MBD5: variants seen among roughly 807,000 people sequenced by gnomAD.
MBD5 encodes methyl-CpG binding domain protein 5, also known as methyl-CpG-binding domain protein 5.
Under a neutral mutation model 117.3 loss-of-function variants are expected in MBD5, and 13 were observed. That is an observed-to-expected ratio of 0.11 (90% CI 0.07 to 0.18). The LOEUF (loss-of-function observed/expected upper bound fraction) is 0.18, where lower values mean the gene tolerates loss of function less well. Among genes scored for constraint, MBD5 ranks in the 10% least tolerant of loss-of-function variants. MBD5 has a pLI of 1.00. For synonymous variants in MBD5, 727 were observed against 766.4 expected (o/e 0.95, Z 0.85); for missense variants, 1,879 against 2,093.8 (o/e 0.90, Z 2.00).
intron 1 of MBD5, among the ~76,000 whole-genome samples, chr2:148,033,050 C>A (rs1458152363): frequency 6.6e-6 from 1 of 152,116 alleles, no homozygotes. Flanking sequence ...GTGAGGGACA[C>A]ATTCAGCTGG....
chr2:148,181,216 C>T (rs1698526561), intron 2 of MBD5, among the ~76,000 whole-genome samples: 1 of 152,170 alleles, frequency 6.6e-6, no homozygotes, highest in African/African-American at 2.4e-5. Flanking sequence ...GTTTTTACTG[C>T]TGCTTACTGC....
chr2:148,223,332 G>C (rs1699739089), intron 2 of MBD5, among the ~76,000 whole-genome samples: 1 of 151,996 alleles, frequency 6.6e-6, no homozygotes, highest in Non-Finnish European at 1.5e-5. Context: ...AGTTTGAGTA[G>C]TATTGGTATT....
chr2:148,256,872 A>G (rs1052781364), intron 3 of MBD5, among the ~76,000 whole-genome samples: 1 of 152,226 alleles, frequency 6.6e-6, no homozygotes, highest in African/African-American at 2.4e-5. Flanking sequence ...CTCTGCTGCT[A>G]TGGTACTTGT....
rs574305975 is a variant in MBD5, at chr2:148,136,950, C to T, written c.-924-41750C>T. ...GCTAATTTTGTATTTTTAGTAGAGA[C>T]GTGTTTTCTCCATGTTGGTCAGGCT... On this transcript the variant is annotated intron_variant, in intron 1 of 13. Coordinates refer to ENST00000642680, the MANE Select transcript of MBD5 (RefSeq NM_001378120.1). 1.3e-4 allele frequency among the ~76,000 whole-genome samples: 20 copies of T among 152,086 alleles called. 1 individual carries two copies. Among genetic ancestry groups the T allele is most frequent in the Middle Eastern group, 6.8e-3 (2 of 294 alleles).
At chr2:148,075,187 T>A (rs6730641) in intron 1 of MBD5, among the ~76,000 whole-genome samples, 114 of 152,092 alleles carry the variant, frequency 7.5e-4, no homozygotes, top group African/African-American at 2.5e-3. Flanking sequence ...AAGAGGGGTC[T>A]ACATGTCAGA....
chr2:148,381,969 A>G lies in MBD5; in HGVS notation c.-557+39633A>G, dbSNP rs544945431. ...AGCTCCTGAAGGAAGCACTAAACAT[A>G]GAAAGGAACAACCGGTACTAGCCAC... On this transcript the variant is annotated intron_variant, in intron 4 of 13. Transcript: ENST00000642680. Among the ~76,000 whole-genome samples, 209 of 152,282 alleles carry G rather than the reference A, an allele frequency of 1.4e-3. 1 individual carries two copies. Among genetic ancestry groups the G allele is most frequent in the African/African-American group, 4.5e-3 (186 of 41,568 alleles).
intron 3 of MBD5, among the ~76,000 whole-genome samples, chr2:148,303,561 A>T (rs1474520781): frequency 6.6e-6 from 1 of 152,256 alleles, no homozygotes; most frequent in East Asian, 1.9e-4. Context: ...TAACTGACAA[A>T]AAAAGAAAAG....
At chr2:148,222,905 A>G (rs766832218) in intron 2 of MBD5, among the ~76,000 whole-genome samples, 8 of 152,010 alleles carry the variant, frequency 5.3e-5, no homozygotes, top group Non-Finnish European at 1.2e-4. Flanking sequence ...GCTAGCTGTG[A>G]GTCTGTCATC....
chr2:148,325,931 G>T (rs1224452294), intron 3 of MBD5, among the ~76,000 whole-genome samples: 2 of 152,072 alleles, frequency 1.3e-5, no homozygotes, highest in Non-Finnish European at 2.9e-5. Context: ...TGATGTTAGG[G>T]TGTCAATTTT....
Position 148,485,882 on chromosome 2 carries a change from C to A in MBD5, c.3685C>A (p.Gln1229Lys), listed in dbSNP as rs2105094167. The A allele has an allele frequency of 6.2e-7, 1 of 1,614,096 alleles. No individual in the cohort carries two copies. Among genetic ancestry groups the A allele is most frequent in the South Asian group, 1.1e-5 (1 of 91,080 alleles). ...GGGGTACCAGAATCTCCAGGCGTTC[C>A]AAGGACAGTCCACAATTCCTTGCCC... ...LQGYQNLQAF[Q>K]GQSTIPCPAN... The change falls in exon 10 of 14, where the codon CAA (glutamine) becomes AAA (lysine). Residue 1229 changes from glutamine (Q) to lysine (K), a missense_variant. Around this residue, in one of 4 missense-constraint regions of MBD5, gnomAD observed 1,666 missense variants for 1,792.2 expected, o/e 0.93. Transcript: ENST00000642680.
At position 148,313,901 on chromosome 2, in the gene MBD5, C is replaced by T. The variant is rs572240852; in HGVS notation, c.-679-28313C>T. 7.2e-5 allele frequency among the ~76,000 whole-genome samples: 11 copies of T among 152,246 alleles called. No individual in the cohort carries two copies. The South Asian group carries it at 2.3e-3, about 32-fold the overall frequency. On this transcript the variant is annotated intron_variant, in intron 3 of 13. Coordinates refer to ENST00000642680, the MANE Select transcript of MBD5 (RefSeq NM_001378120.1). Reference sequence around the variant, plus strand: ...TCCCGTGGCTAAGGGAGGGAGTTCTCTGACCCCTTGTACTTCCTGGGTGAG... The same window carrying T: ...TCCCGTGGCTAAGGGAGGGAGTTCTTTGACCCCTTGTACTTCCTGGGTGAG...
chr2:148,288,176 G>A lies in MBD5; in HGVS notation c.-679-54038G>A, dbSNP rs546685951. Among the ~76,000 whole-genome samples the A allele has an allele frequency of 8.8e-4, 131 of 148,112 alleles. 1 individual carries two copies. The highest frequency in any genetic ancestry group is 3.2e-3 in the African/African-American group (127 of 40,232). ...AGCACTTTGGGAGGCCGAGGCAGGC[G>A]GATCACGAGGTCAGGAGATCGAGAC... On this transcript the variant is annotated intron_variant, in intron 3 of 13. Transcript: ENST00000642680.
chr2:148,056,844 T>C (rs538642028), intron 1 of MBD5, among the ~76,000 whole-genome samples: 14 of 151,912 alleles, frequency 9.2e-5, no homozygotes, highest in Non-Finnish European at 1.9e-4. Context: ...ATCTATAACC[T>C]ATTAAGGTTG....
chr2:148,133,611 G>C (rs1169236318), intron 1 of MBD5, among the ~76,000 whole-genome samples: 2 of 152,324 alleles, frequency 1.3e-5, no homozygotes, highest in African/African-American at 4.8e-5. Flanking sequence ...ATCACCTGAG[G>C]TCAGGATTTC....
intron 4 of MBD5, among the ~76,000 whole-genome samples, chr2:148,454,435 T>C (rs971327763): frequency 5.9e-5 from 9 of 152,202 alleles, no homozygotes; most frequent in African/African-American, 1.9e-4. Flanking sequence ...TCAATAGAGA[T>C]GGCTCTCAAA....
Position 148,469,809 on chromosome 2 carries a change from C to T in MBD5, c.1866C>T (p.Thr622=). 3 of 1,613,878 alleles carry T rather than the reference C, an allele frequency of 1.9e-6. No homozygotes were observed. Among genetic ancestry groups the T allele is most frequent in the Non-Finnish European group, 2.5e-6 (3 of 1,179,864 alleles). Residue 622 remains threonine (T), a synonymous_variant, in exon 8 of 14, where the codon ACC becomes ACT. Coordinates refer to ENST00000642680, the MANE Select transcript of MBD5 (RefSeq NM_001378120.1). ...GNTEGHSTLN[T]MFPPTANMLL... ...CTGAAGGACATAGCACTTTAAACAC[C>T]ATGTTCCCTCCTACTGCCAACATGC...
chr2:148,316,832 G>A lies in MBD5; in HGVS notation c.-679-25382G>A, dbSNP rs528273604. 6.6e-5 allele frequency among the ~76,000 whole-genome samples: 10 copies of A among 152,232 alleles called. No individual in the cohort carries two copies. In the East Asian group the frequency reaches 1.9e-3, roughly 29 times the overall value. Reference sequence around the variant, plus strand: ...ATCAGAGTGTTTGGTAATAAGAAAAGTCAAGAATATTCAGAAGTAAGATTA... The same window carrying A: ...ATCAGAGTGTTTGGTAATAAGAAAAATCAAGAATATTCAGAAGTAAGATTA... On this transcript the variant is annotated intron_variant, in intron 3 of 13. Coordinates refer to ENST00000642680, the MANE Select transcript of MBD5 (RefSeq NM_001378120.1).
At chr2:148,159,795 A>C (rs781538974) in intron 1 of MBD5, among the ~76,000 whole-genome samples, 5 of 151,930 alleles carry the variant, frequency 3.3e-5, no homozygotes, top group Non-Finnish European at 7.4e-5. Context: ...CCCCTCAACA[A>C]CTCTAGTAAA....
intron 2 of MBD5, among the ~76,000 whole-genome samples, chr2:148,179,612 T>A (rs1479125440): frequency 6.6e-6 from 1 of 152,166 alleles, no homozygotes; most frequent in Admixed American, 6.5e-5. Context: ...AAAATTTCTC[T>A]TTACCTAGCA....
Sources: gnomAD v4.1 joint callset for allele counts (sites outside exome capture counted in the v4.1 genomes callset) on GRCh38, gnomAD v4.1.1 for gene constraint, gnomAD v4.1.1 regional missense constraint, MANE v1.5 for transcripts, NCBI Gene and HGNC (gene_info 2026-07-23, HGNC 2026-07-21) for gene names.